The following PTPN1 variants were observed in gnomAD, a reference collection of about 807,000 sequenced individuals.
The protein encoded by PTPN1 is protein tyrosine phosphatase non-receptor type 1.
PTPN1 carries 12 observed loss-of-function variants against 59.9 expected under a neutral mutation model. The observed-to-expected ratio is 0.20, with a 90% CI of 0.13 to 0.32. PTPN1 has a LOEUF of 0.32. Among genes scored for constraint, PTPN1 ranks in the 10% least tolerant of loss-of-function variants. The probability of loss-of-function intolerance (pLI) is 1.00; values close to 1 mark genes in which losing one functional copy is unlikely to be tolerated. For synonymous variants in PTPN1, 178 were observed against 203.6 expected, an observed-to-expected ratio of 0.87 and a Z score of 1.07; for missense variants, 356 against 549.2, an observed-to-expected ratio of 0.65 and a Z score of 3.52.
chr20:50,511,171 G>A (rs2082505669), intron 1 of PTPN1, among the ~76,000 whole-genome samples: 1 of 152,196 alleles, frequency 6.6e-6, no homozygotes, highest in African/African-American at 2.4e-5. Flanking sequence ...TGGAGGTGGT[G>A]TTTGCTAATC....
intron 1 of PTPN1, among the ~76,000 whole-genome samples, chr20:50,528,960 T>TC (rs2082589336): frequency 1.3e-5 from 2 of 152,070 alleles, no homozygotes; most frequent in African/African-American, 4.8e-5. Flanking sequence ...TGTGGTGTTT[T>TC]CCCCCCATGA....
In PTPN1 at chr20:50,584,436, T is replaced by C. The variant is rs1315826377; in HGVS notation, c.*1721T>C. 6.5e-6 allele frequency: 1 copy of C among 152,672 alleles called. No individual in the cohort carries two copies. Among genetic ancestry groups the C allele is most frequent in the Non-Finnish European group, 1.5e-5 (1 of 68,052 alleles). The allele number at this position is 152,672 out of a possible 1,614,324, so 9.5% of individuals were successfully genotyped here. ...TTGGAGAGCAGCTGGCTCTCCACCT[T>C]GTTACACATTATGTTAGAGAGGTAG... is the stretch of plus-strand genomic sequence containing the variant. On this transcript the variant is annotated 3_prime_UTR_variant, in exon 10 of 10. Coordinates refer to ENST00000371621, the MANE Select transcript of PTPN1 (RefSeq NM_002827.4).
chr20:50,580,216 GC>G lies in PTPN1; in HGVS notation c.1088+297del, dbSNP rs113132070. On this transcript the variant is annotated intron_variant, in intron 8 of 9. Coordinates refer to ENST00000371621, the MANE Select transcript of PTPN1 (RefSeq NM_002827.4). ...CGGAGCCACCGAGTAGGGTTTTTCT[GC>G]CCCCCCTGACGACAGCGCCCTCCCC... Among the ~76,000 whole-genome samples, 8 of 152,108 alleles carry G rather than the reference GC, an allele frequency of 5.3e-5. No homozygotes were observed. In the South Asian group the frequency reaches 6.2e-4, roughly 12 times the overall value.
At chr20:50,551,582 A>G (rs975147516) in intron 1 of PTPN1, among the ~76,000 whole-genome samples, 3 of 152,228 alleles carry the variant, frequency 2.0e-5, no homozygotes, top group African/African-American at 7.2e-5. Flanking sequence ...TTTGACATCT[A>G]TGATGTGTGG....
At chr20:50,536,170 T>C (rs2082623324) in intron 1 of PTPN1, among the ~76,000 whole-genome samples, 1 of 152,264 alleles carries the variant, frequency 6.6e-6, no homozygotes, top group South Asian at 2.1e-4. Context: ...TAAAGCCTTA[T>C]TGAAGACTCA....
At position 50,582,800 on chromosome 20, in the gene PTPN1, G is replaced by A; in HGVS notation, c.*85G>A. 1 of 1,560,080 alleles carries A rather than the reference G, an allele frequency of 6.4e-7. No homozygotes were observed. The highest frequency in any genetic ancestry group is 8.8e-7 in the Non-Finnish European group (1 of 1,139,180). ...CCGACTAGCAGGCATGCCGCGGTAGGTAAGGGCCGCCGGACCGCGTAGAGA... is the reference window on the plus strand; with the variant it reads ...CCGACTAGCAGGCATGCCGCGGTAGATAAGGGCCGCCGGACCGCGTAGAGA... On this transcript the variant is annotated 3_prime_UTR_variant, in exon 10 of 10. Transcript: ENST00000371621. The surrounding 1 kb of genome is among the most constrained non-coding windows in gnomAD (Gnocchi z 4.2).
At chr20:50,558,545 A>G (rs185042155) in intron 1 of PTPN1, among the ~76,000 whole-genome samples, 21 of 152,246 alleles carry the variant, frequency 1.4e-4, no homozygotes, top group African/African-American at 4.6e-4. Flanking sequence ...TTCAGTTTCA[A>G]GTTTTTCCTT....
At chr20:50,525,004 A>G (rs1248227482) in intron 1 of PTPN1, among the ~76,000 whole-genome samples, 1 of 152,174 alleles carries the variant, frequency 6.6e-6, no homozygotes, top group Non-Finnish European at 1.5e-5. Flanking sequence ...GATAAGACTG[A>G]ATTTTTAGGT....
At chr20:50,523,547 C>G (rs1317438182) in intron 1 of PTPN1, among the ~76,000 whole-genome samples, 1 of 152,214 alleles carries the variant, frequency 6.6e-6, no homozygotes, top group Non-Finnish European at 1.5e-5. Flanking sequence ...AAGCTCCTTG[C>G]AGCCAGTGTC....
intron 1 of PTPN1, among the ~76,000 whole-genome samples, chr20:50,524,044 T>A (rs569849535): frequency 6.6e-6 from 1 of 152,338 alleles, no homozygotes; most frequent in Admixed American, 6.5e-5. Context: ...CATTATTCTC[T>A]TATTGTATAT....
chr20:50,547,181 T>G (rs1481478393), intron 1 of PTPN1, among the ~76,000 whole-genome samples: 1 of 152,156 alleles, frequency 6.6e-6, no homozygotes, highest in Admixed American at 6.5e-5. Context: ...AAGCAGACAC[T>G]ATTAGGGACG....
chr20:50,520,159 G>A (rs2082544809), intron 1 of PTPN1, among the ~76,000 whole-genome samples: 1 of 152,000 alleles, frequency 6.6e-6, no homozygotes, highest in South Asian at 2.1e-4. Context: ...ATCACTTGAG[G>A]TCCGGAGTTC....
At chr20:50,540,086 G>A (rs903641758) in intron 1 of PTPN1, among the ~76,000 whole-genome samples, 5 of 151,290 alleles carry the variant, frequency 3.3e-5, no homozygotes, top group East Asian at 3.9e-4. Context: ...ACAGAGTTTC[G>A]CTCTTGTTGC....
rs568190221 is a variant in PTPN1, at chr20:50,565,710, A to G, written c.255+641A>G. Among the ~76,000 whole-genome samples, 12 of 152,218 alleles carry G rather than the reference A, an allele frequency of 7.9e-5. No individual in the cohort carries two copies. The South Asian group carries it at 2.5e-3, about 32-fold the overall frequency. On this transcript the variant is annotated intron_variant, in intron 3 of 9. Transcript: ENST00000371621. ...AGTTTCTTTTTAATTAATCTTCTCA[A>G]GTCTTAACTTGTTACCTGTAAGTTG...
chr20:50,513,072 A>G (rs2082514141), intron 1 of PTPN1, among the ~76,000 whole-genome samples: 1 of 152,200 alleles, frequency 6.6e-6, no homozygotes, highest in African/African-American at 2.4e-5. Context: ...GAAAAGAACA[A>G]AGAGTGAAGA....
In PTPN1 at chr20:50,526,112, TTC is replaced by T. The variant is rs1171826179; in HGVS notation, c.63+15528_63+15529del. On this transcript the variant is annotated intron_variant, in intron 1 of 9. Coordinates refer to ENST00000371621, the MANE Select transcript of PTPN1 (RefSeq NM_002827.4). ...ATGTGTGTGTGTGTGCGCGTGCAGA[TTC>T]TCTCTTTCACTGTATGTATTTGTAT... Among the ~76,000 whole-genome samples the T allele has an allele frequency of 5.9e-5, 9 of 152,150 alleles. No homozygotes were observed. The East Asian group carries it at 1.5e-3, about 26-fold the overall frequency.
chr20:50,555,135 A>G (rs1438649473), intron 1 of PTPN1, among the ~76,000 whole-genome samples: 3 of 152,246 alleles, frequency 2.0e-5, no homozygotes, highest in Non-Finnish European at 4.4e-5. Flanking sequence ...GAAGTATAAA[A>G]CAAAGAGCAA....
intron 1 of PTPN1, among the ~76,000 whole-genome samples, chr20:50,527,382 C>T (rs1432899970): frequency 6.6e-6 from 1 of 151,916 alleles, no homozygotes; most frequent in African/African-American, 2.4e-5. Context: ...CTTGCTCTGT[C>T]ACCCAGGCTG....
At chr20:50,530,175 ATTTT>A (rs781236833) in intron 1 of PTPN1, among the ~76,000 whole-genome samples, 18 of 121,090 alleles carry the variant, frequency 1.5e-4, no homozygotes, top group Admixed American at 4.2e-4. Flanking sequence ...TGCCTGGCTG[ATTTT>A]TTTTTTTTTT....
Sources: gnomAD v4.1 joint callset for allele counts (sites outside exome capture counted in the v4.1 genomes callset) on GRCh38, gnomAD v4.1.1 for gene constraint, Gnocchi (gnomAD v3.1) non-coding constraint, MANE v1.5 for transcripts, NCBI Gene and HGNC (gene_info 2026-07-23, HGNC 2026-07-21) for gene names.